NFATC2: variants seen among roughly 807,000 people sequenced by gnomAD.
The protein encoded by NFATC2 is nuclear factor of activated T-cells, cytoplasmic 2.
A neutral mutation model predicts 87.3 loss-of-function variants in NFATC2; 22 were observed. The observed-to-expected ratio is 0.25, with a 90% CI of 0.18 to 0.36. The LOEUF (loss-of-function observed/expected upper bound fraction) is 0.36. NFATC2 is among the 10% of genes least tolerant of loss of function. The pLI is 1.00. For missense variants in NFATC2, 1,149 were observed against 1,259.1 expected (o/e 0.91, Z 1.32); for synonymous variants, 565 against 542.2 (o/e 1.04, Z -0.58).
rs867208290 is a variant in NFATC2 at position 51,394,109 on chromosome 20, G to T, written c.*45-2658C>A. ...TGGTGAAGTGGCCCTGAGTTCAACT[G>T]CCGCCCAAACCTCTCTGGGTAGGAA... On this transcript the variant is annotated intron_variant, in intron 10 of 10. Transcript: ENST00000371564. 2.0e-5 allele frequency among the ~76,000 whole-genome samples: 3 copies of T among 152,224 alleles called. No homozygotes were observed. In the South Asian group the frequency reaches 6.2e-4, roughly 32 times the overall value.
rs766417299 is a variant in NFATC2, at chr20:51,432,037, A to C, written c.2722+30T>G. The C allele has an allele frequency of 4.6e-6, 7 of 1,509,958 alleles. No individual in the cohort carries two copies. The Admixed American group carries it at 1.3e-4, about 29-fold the overall frequency. The allele number at this position is 1,509,958 out of a possible 1,614,324, so 93.5% of individuals were successfully genotyped here. ...AGAGATGCTTCAGGGCACCATCCTT[A>C]CAGGCAGTGACAAAACTCAAGCGTC... is the stretch of plus-strand genomic sequence containing the variant. On this transcript the variant is annotated intron_variant, in intron 9 of 10. Transcript: ENST00000371564. This position sits in a 1 kb window ranked among gnomAD's most constrained non-coding sequence, Gnocchi z 4.6.
chr20:51,502,742 C>T (rs1384633599), intron 3 of NFATC2, among the ~76,000 whole-genome samples: 3 of 152,118 alleles, frequency 2.0e-5, no homozygotes, highest in African/African-American at 7.2e-5. Flanking sequence ...AGGGTTCAAG[C>T]AAAGGCAAGG....
intron 1 of NFATC2, among the ~76,000 whole-genome samples, chr20:51,537,663 A>G (rs532581127): frequency 6.6e-5 from 10 of 152,312 alleles, no homozygotes; most frequent in Admixed American, 5.9e-4. Context: ...GTTGGGAGAA[A>G]TAAGAGTCCA....
intron 3 of NFATC2, among the ~76,000 whole-genome samples, chr20:51,478,964 T>C (rs1988991184): frequency 6.6e-6 from 1 of 152,190 alleles, no homozygotes; most frequent in South Asian, 2.1e-4. Flanking sequence ...ATGCATTCAG[T>C]GCTAAAGCCA....
intron 9 of NFATC2, among the ~76,000 whole-genome samples, chr20:51,410,774 T>C (rs1979109182): frequency 6.6e-6 from 1 of 152,190 alleles, no homozygotes; most frequent in African/African-American, 2.4e-5. Context: ...GTGTCACCTC[T>C]CAGAGAGGCC....
At chr20:51,410,849 T>C (rs1979118477) in intron 9 of NFATC2, among the ~76,000 whole-genome samples, 1 of 152,208 alleles carries the variant, frequency 6.6e-6, no homozygotes, top group Non-Finnish European at 1.5e-5. Flanking sequence ...ATGGCATGTG[T>C]CACCAGCTGA....
rs78774072 is a variant in NFATC2, at chr20:51,462,541, G to A, written c.1709-7853C>T. Among the ~76,000 whole-genome samples, 1,489 of 152,038 alleles carry A rather than the reference G, an allele frequency of 9.8e-3. 54 individuals are homozygous for A. In the East Asian group the frequency reaches 0.13, roughly 13 times the overall value. ...CACATTTTTAAAAATATTATAAAAC[G>A]CCCACACCAAGAAGCAATTTAGGGT... On this transcript the variant is annotated intron_variant, in intron 5 of 10. Transcript: ENST00000371564.
chr20:51,457,314 G>T (rs1393050570), intron 5 of NFATC2, among the ~76,000 whole-genome samples: 1 of 152,226 alleles, frequency 6.6e-6, no homozygotes, highest in Admixed American at 6.5e-5. Context: ...CCATTTTACA[G>T]GTGGAAAGCC....
intron 3 of NFATC2, among the ~76,000 whole-genome samples, chr20:51,511,816 A>T (rs983781388): frequency 6.6e-6 from 1 of 152,182 alleles, no homozygotes; most frequent in African/African-American, 2.4e-5. Flanking sequence ...AACCTGAGTG[A>T]TCTATAAAAT....
At position 51,559,125 on chromosome 20, in the gene NFATC2, C is replaced by T. The variant is rs564048348; in HGVS notation, c.70+3435G>A. ...GAAAGACTAGCCAGGAGGAGGGGTCCCTGGGAGGGGCTCTCAGTACAGAAA... is the reference window on the plus strand; with the variant it reads ...GAAAGACTAGCCAGGAGGAGGGGTCTCTGGGAGGGGCTCTCAGTACAGAAA... On this transcript the variant is annotated intron_variant, in intron 1 of 10. Coordinates refer to the NFATC2 transcript ENST00000414705. 9.8e-5 allele frequency among the ~76,000 whole-genome samples: 15 copies of T among 152,306 alleles called. No individual in the cohort carries two copies. In the East Asian group the frequency reaches 2.9e-3, roughly 29 times the overall value.
At position 51,397,952 on chromosome 20, in the gene NFATC2, C is replaced by T. The variant is rs577203037; in HGVS notation, c.*44+691G>A. Among the ~76,000 whole-genome samples the T allele has an allele frequency of 5.3e-5, 8 of 152,284 alleles. No homozygotes were observed. In the East Asian group the frequency reaches 1.5e-3, roughly 29 times the overall value. ...AATGTCTCATCTGGACTTCACACCC[C>T]AGGGCCTCCTGAAACCTGCACGATA... On this transcript the variant is annotated intron_variant, in intron 10 of 10. Coordinates refer to ENST00000371564, the MANE Select transcript of NFATC2 (RefSeq NM_012340.5).
Position 51,523,884 on chromosome 20 carries a change from G to A in NFATC2, c.357C>T (p.His119=), listed in dbSNP as rs550167879. 3 of 1,605,950 alleles carry A rather than the reference G, an allele frequency of 1.9e-6. No homozygotes were observed. Among genetic ancestry groups the A allele is most frequent in the Middle Eastern group, 1.7e-4 (1 of 6,024 alleles). The change falls in exon 2 of 11, where the codon CAC becomes CAT. Residue 119 remains histidine (H), a synonymous_variant. Coordinates refer to ENST00000371564, the MANE Select transcript of NFATC2 (RefSeq NM_012340.5). This position sits in a 1 kb window ranked among gnomAD's most constrained non-coding sequence, Gnocchi z 6.9. ...LSPRIEITPS[H]ELIQAVGPLR... ...GGGGCCCCACTGCCTGGATCAGTTCGTGGGACGGAGTGATCTCGATCCGAG... is the reference window on the plus strand; with the variant it reads ...GGGGCCCCACTGCCTGGATCAGTTCATGGGACGGAGTGATCTCGATCCGAG...
At chr20:51,472,670 C>G (rs1327917692) in intron 5 of NFATC2, among the ~76,000 whole-genome samples, 3 of 117,552 alleles carry the variant, frequency 2.6e-5, no homozygotes, top group African/African-American at 3.4e-5. Flanking sequence ...GGGTCTCACT[C>G]TGTTGCCCAG....
At chr20:51,465,732 C>T (rs761224367) in intron 5 of NFATC2, among the ~76,000 whole-genome samples, 1 of 152,006 alleles carries the variant, frequency 6.6e-6, no homozygotes, top group South Asian at 2.1e-4. Flanking sequence ...CCCGCACTCC[C>T]AAGCCACCAA....
intron 1 of NFATC2, among the ~76,000 whole-genome samples, chr20:51,550,121 A>G (rs1164293347): frequency 2.0e-5 from 3 of 152,128 alleles, no homozygotes; most frequent in Non-Finnish European, 4.4e-5. Context: ...AGGCAGGAGG[A>G]TGGCCTGAGG....
rs117848258 is a variant in NFATC2 at position 51,532,669 on chromosome 20, G to A, written c.131-8559C>T. On this transcript the variant is annotated intron_variant, in intron 1 of 10. Coordinates refer to ENST00000371564, the MANE Select transcript of NFATC2 (RefSeq NM_012340.5). ...ACACACAGCCAAGTCTGAGGTGGCC[G>A]CTCGCTCAGCGCCAACCCGCCAGCC... Among the ~76,000 whole-genome samples, 1,062 of 152,334 alleles carry A rather than the reference G, an allele frequency of 7.0e-3. 22 individuals carry two copies. The highest frequency in any genetic ancestry group is 0.067 in the East Asian group (347 of 5,178).
chr20:51,464,962 G>C (rs1261148869), intron 5 of NFATC2, among the ~76,000 whole-genome samples: 3 of 152,224 alleles, frequency 2.0e-5, no homozygotes, highest in Admixed American at 1.3e-4. Flanking sequence ...ACACACAGCA[G>C]ATGATTAATA....
At chr20:51,429,633 G>A (rs558252245) in intron 9 of NFATC2, among the ~76,000 whole-genome samples, 363 of 152,334 alleles carry the variant, frequency 2.4e-3, no homozygotes, top group Non-Finnish European at 4.0e-3. Flanking sequence ...TGGAGCGTGC[G>A]ATGCGCTCTC....
intron 1 of NFATC2, among the ~76,000 whole-genome samples, chr20:51,549,518 T>C (rs960419116): frequency 1.3e-5 from 2 of 152,224 alleles, no homozygotes; most frequent in Non-Finnish European, 2.9e-5. Context: ...TGAAGGTCAA[T>C]GGCATGAAGA....
Sources: allele counts gnomAD v4.1 joint callset (sites outside exome capture counted in the v4.1 genomes callset), GRCh38; gene constraint gnomAD v4.1.1; non-coding constraint Gnocchi (gnomAD v3.1); transcripts MANE v1.5; gene names NCBI Gene and HGNC (gene_info 2026-07-23, HGNC 2026-07-21).